The following GAD1 variants were observed in gnomAD, a reference collection of about 807,000 sequenced individuals.
GAD1 encodes glutamate decarboxylase 1.
Under a neutral mutation model 75.2 loss-of-function variants are expected in GAD1, and 35 were observed. The ratio of observed to expected loss-of-function variants is 0.47; its 90% CI spans 0.36 to 0.62. The LOEUF is 0.62. GAD1 is among the 20% of genes least tolerant of loss of function. GAD1 has a pLI of 0.00. For missense variants in GAD1, 490 were observed against 758.5 expected (o/e 0.65, Z 4.16); for synonymous variants, 257 against 271.9 (o/e 0.95, Z 0.54).
rs917628552 is a variant in GAD1 at position 170,859,996 on chromosome 2, A to G, written c.*114A>G. ...CCATTTCATTGAGGGAAAACATAATATCTTGAAGAATATTGTTAAAACCTT... is the reference window on the plus strand; with the variant it reads ...CCATTTCATTGAGGGAAAACATAATGTCTTGAAGAATATTGTTAAAACCTT... On this transcript the variant is annotated 3_prime_UTR_variant, in exon 17 of 17. Coordinates refer to ENST00000358196, the MANE Select transcript of GAD1 (RefSeq NM_000817.3). 2 of 931,986 alleles carry G rather than the reference A, an allele frequency of 2.1e-6. No homozygotes were observed. The highest frequency in any genetic ancestry group is 3.4e-6 in the Non-Finnish European group (2 of 587,396). The allele number at this position is 931,986 out of a possible 1,614,324, so 57.7% of individuals were successfully genotyped here. A position where few individuals can be genotyped will look rare whatever the true frequency, so the allele number is the denominator to read the frequency against.
At chr2:170,850,578 C>A (rs1233959448) in intron 12 of GAD1, among the ~76,000 whole-genome samples, 1 of 152,168 alleles carries the variant, frequency 6.6e-6, no homozygotes, top group Non-Finnish European at 1.5e-5. Context: ...AGGGAGAGCC[C>A]GCCCAGGGCT....
At chr2:170,813,712 G>A (rs1701649654), upstream of GAD1, among the ~76,000 whole-genome samples, 1 of 152,174 alleles carries the variant, frequency 6.6e-6, no homozygotes, top group Non-Finnish European at 1.5e-5. Context: ...CCCCAAATCC[G>A]GTTGGAATAT....
Position 170,847,711 on chromosome 2 carries a change from C to T in GAD1, c.1038C>T (p.Gly346=). Residue 346 remains glycine, a synonymous_variant, in exon 11 of 17, where the codon GGC becomes GGT. Transcript: ENST00000358196. ...CCTTTTATGTCAATGCAACTGCTGG[C>T]ACGACTGTTTATGGAGCTTTTGATC... is the stretch of plus-strand genomic sequence containing the variant. ...YVPFYVNATA[G]TTVYGAFDPI... The T allele has an allele frequency of 6.2e-7, 1 of 1,614,030 alleles. No homozygotes were observed. Among genetic ancestry groups the T allele is most frequent in the African/African-American group, 1.3e-5 (1 of 75,046 alleles).
At chr2:170,843,599 A>G (rs1028090749) in intron 6 of GAD1, among the ~76,000 whole-genome samples, 3 of 150,624 alleles carry the variant, frequency 2.0e-5, no homozygotes, top group Non-Finnish European at 4.4e-5. Context: ...ATATTCTACA[A>G]GTGTGAAACT....
intron 1 of GAD1, 181 bp downstream of exon 1, chr2:170,817,229 C>A (rs1487651303): frequency 9.4e-6 from 1 of 106,386 alleles, no homozygotes; most frequent in African/African-American, 2.9e-5. Flanking sequence ...GCAGGGACCC[C>A]CCCCCCCCCG....
At chr2:170,823,332 G>A (rs1278014253) in intron 3 of GAD1, among the ~76,000 whole-genome samples, 2 of 152,236 alleles carry the variant, frequency 1.3e-5, no homozygotes, top group Admixed American at 6.5e-5. Flanking sequence ...GGCGAGGGCG[G>A]TGGCAGTTTG....
At chr2:170,837,528 A>G (rs1339983732) in intron 6 of GAD1, among the ~76,000 whole-genome samples, 2 of 152,208 alleles carry the variant, frequency 1.3e-5, no homozygotes, top group South Asian at 2.1e-4. Context: ...TCTTATAGCA[A>G]TCATCCCAGA....
rs753229239 is a variant in GAD1 at position 170,859,671 on chromosome 2, A to C, written c.1612-38A>C. The C allele has an allele frequency of 1.8e-5, 29 of 1,608,330 alleles. No individual in the cohort carries two copies. The Admixed American group carries it at 4.8e-4, about 27-fold the overall frequency. On this transcript the variant is annotated intron_variant, in intron 16 of 16. Coordinates refer to ENST00000358196, the MANE Select transcript of GAD1 (RefSeq NM_000817.3). Reference sequence around the variant, plus strand: ...ATTGTTAAAAAGAGAGGGTGTTCATATCAATCTTGAGTTTTGTTTTGTGTT... The same window carrying C: ...ATTGTTAAAAAGAGAGGGTGTTCATCTCAATCTTGAGTTTTGTTTTGTGTT...
chr2:170,857,697 A>T (rs1702880316), intron 15 of GAD1, among the ~76,000 whole-genome samples: 1 of 152,252 alleles, frequency 6.6e-6, no homozygotes. Context: ...TTGTTCTAAA[A>T]TAAGGTTCTA....
At position 170,845,754 on chromosome 2, in the gene GAD1, G is replaced by C. The variant is rs562343816; in HGVS notation, c.916G>C (p.Asp306His). 2 of 1,614,122 alleles carry C rather than the reference G, an allele frequency of 1.2e-6. No individual in the cohort carries two copies. Among genetic ancestry groups the C allele is most frequent in the South Asian group, 2.2e-5 (2 of 91,046 alleles). ...KAGAALGFGT[D>H]NVILIKCNER... ...TGGGGCTGCACTTGGCTTTGGAACT[G>C]ACAATGTGATTTTGATAAAGTGCAA... Residue 306 changes from aspartate to histidine, a missense_variant, in exon 9 of 17, where the codon GAC becomes CAC. By Grantham distance (81) the Asp-to-His change is moderately conservative. This residue lies in a region of GAD1 where 324 missense variants were observed against 523.9 expected (regional missense o/e 0.62). Coordinates refer to ENST00000358196, the MANE Select transcript of GAD1 (RefSeq NM_000817.3).
rs1165758709 is a variant in GAD1 at position 170,831,634 on chromosome 2, G to GTGTGTGTGTGTA, written c.547+443_547+444insGTGTGTGTGTAT. Among the ~76,000 whole-genome samples, 175 of 132,100 alleles carry GTGTGTGTGTGTA rather than the reference G, an allele frequency of 1.3e-3. 1 individual carries two copies. Among genetic ancestry groups the GTGTGTGTGTGTA allele is most frequent in the African/African-American group, 4.8e-3 (164 of 34,156 alleles). 86.7% of individuals were successfully genotyped at this position (132,100 alleles called of 152,430 possible). On this transcript the variant is annotated intron_variant, in intron 5 of 16. Transcript: ENST00000358196. ...TGTGTGTGTGTGTGTGTGTGTGTGT[G>GTGTGTGTGTGTA]TATATACCTATTTTTATATATAAAT...
rs370416757 is a variant in GAD1, at chr2:170,852,707, C to T, written c.1185-7C>T. ...CACCTTCTCGAAGTCTCATGTGCTT[C>T]TTTCAGGGCCAACTCAGTCACCTGG... On this transcript the variant is annotated splice_region_variant and splice_polypyrimidine_tract_variant and intron_variant, in intron 12 of 16. Transcript: ENST00000358196. The T allele has an allele frequency of 4.9e-5, 79 of 1,613,998 alleles. 1 individual carries two copies. Among genetic ancestry groups the T allele is most frequent in the Non-Finnish European group, 6.5e-5 (77 of 1,179,830 alleles).
chr2:170,848,235 C>T (rs1317438471), intron 11 of GAD1, among the ~76,000 whole-genome samples: 2 of 152,192 alleles, frequency 1.3e-5, no homozygotes, highest in East Asian at 1.9e-4. Flanking sequence ...CGGTGGCTCA[C>T]GCTTGTAATG....
chr2:170,819,322 G>GA (rs1701803028), intron 2 of GAD1, among the ~76,000 whole-genome samples: 1 of 149,070 alleles, frequency 6.7e-6, no homozygotes, highest in Non-Finnish European at 1.5e-5. Flanking sequence ...AAATAGGGGA[G>GA]CGGGCGGCAT....
At chr2:170,858,473 A>G (rs770289477) in intron 15 of GAD1, among the ~76,000 whole-genome samples, 2 of 152,254 alleles carry the variant, frequency 1.3e-5, no homozygotes, top group Non-Finnish European at 2.9e-5. Context: ...ATTATCTTCT[A>G]TATGTGAGGC....
intron 5 of GAD1, among the ~76,000 whole-genome samples, chr2:170,831,448 G>A (rs1702220766): frequency 6.6e-6 from 1 of 151,888 alleles, no homozygotes; most frequent in East Asian, 1.9e-4. Context: ...GCTAGGTCAA[G>A]TTCTGTATAA....
Position 170,829,643 on chromosome 2 carries a change from G to A in GAD1, c.304+10G>A. ...AATCTGTTTGCTAGAGGTAGCCCCT[G>A]CCCCACTCCCGCCCCATGCTAGCCA... is the stretch of plus-strand genomic sequence containing the variant. On this transcript the variant is annotated intron_variant, in intron 4 of 16. Coordinates refer to ENST00000358196, the MANE Select transcript of GAD1 (RefSeq NM_000817.3). 1.2e-6 allele frequency: 2 copies of A among 1,612,144 alleles called. No homozygotes were observed. Among genetic ancestry groups the A allele is most frequent in the Non-Finnish European group, 1.7e-6 (2 of 1,179,804 alleles).
At chr2:170,844,487 C>A (rs535595223) in intron 7 of GAD1, among the ~76,000 whole-genome samples, 2 of 149,324 alleles carry the variant, frequency 1.3e-5, no homozygotes, top group South Asian at 4.2e-4. Flanking sequence ...TAGCTCACTG[C>A]AGCCTCGAAC....
At position 170,844,171 on chromosome 2, in the gene GAD1, C is replaced by T. The variant is rs1379662369; in HGVS notation, c.751+14C>T. 3.0e-6 allele frequency: 4 copies of T among 1,324,326 alleles called. No homozygotes were observed. The allele number at this position is 1,324,326 out of a possible 1,614,324, so 82.0% of individuals were successfully genotyped here. A position where few individuals can be genotyped will look rare whatever the true frequency, so the allele number is the denominator to read the frequency against. ...TATTTTCTCCTGGTAGGTTTCTCTTCTCTTCCTCTTCTCAAGGTTTGGGAT... is the reference window on the plus strand; with the variant it reads ...TATTTTCTCCTGGTAGGTTTCTCTTTTCTTCCTCTTCTCAAGGTTTGGGAT... On this transcript the variant is annotated intron_variant, in intron 7 of 16. Coordinates refer to ENST00000358196, the MANE Select transcript of GAD1 (RefSeq NM_000817.3).
Sources: allele counts gnomAD v4.1 joint callset (sites outside exome capture counted in the v4.1 genomes callset), GRCh38; gene constraint gnomAD v4.1.1; regional missense constraint gnomAD v4.1.1; transcripts MANE v1.5; gene names NCBI Gene and HGNC (gene_info 2026-07-23, HGNC 2026-07-21).